Variants in PSG5 observed in about 807,000 individuals in gnomAD.
The protein encoded by PSG5 is pregnancy specific beta-1-glycoprotein 5.
A neutral mutation model predicts 37.7 loss-of-function variants in PSG5; 53 were observed. That is an observed-to-expected ratio of 1.41 (90% CI 1.13 to 1.77). PSG5 has a LOEUF of 1.77. PSG5 is among the 40% of genes most tolerant of loss of function. The pLI, the probability that PSG5 is intolerant of heterozygous loss-of-function variation, is 0.00. For missense variants in PSG5, 547 were observed against 405.2 expected (o/e 1.35, Z -3.00); for synonymous variants, 221 against 155.4 (o/e 1.42, Z -3.14).
chr19:43,180,650 T>C lies in PSG5; in HGVS notation c.430+4132A>G, dbSNP rs770684135. The C allele has an allele frequency of 7.3e-5, 11 of 151,644 alleles. No homozygotes were observed. The Admixed American group carries it at 7.3e-4, about 10-fold the overall frequency. 9.4% of individuals were successfully genotyped at this position (151,644 alleles called of 1,614,324 possible). On this transcript the variant is annotated intron_variant, in intron 2 of 5. Transcript: ENST00000342951. Reference sequence around the variant, plus strand: ...ATTAAAATGTTTTCATAAGTGGAAATTTTTACTGATGATCCAAACATCTAA... The same window carrying C: ...ATTAAAATGTTTTCATAAGTGGAAACTTTTACTGATGATCCAAACATCTAA...
chr19:43,182,632 A>G (rs971220427), intron 2 of PSG5, among the ~76,000 whole-genome samples: 13 of 148,520 alleles, frequency 8.8e-5, no homozygotes, highest in African/African-American at 3.2e-4. Context: ...GAGTAATAAT[A>G]AACCTCTGTC....
intron 4 of PSG5, 25 bp from the exon 5 acceptor site, chr19:43,170,163 A>AG (rs747145621): frequency 1.9e-6 from 3 of 1,556,072 alleles, no homozygotes; most frequent in Non-Finnish European, 2.6e-6. Context: ...AAAGTAAAGA[A>AG]GGAATGAAGG....
chr19:43,170,474 T>C, intron 4 of PSG5: 2 of 450,542 alleles, frequency 4.4e-6, no homozygotes, highest in East Asian at 6.0e-5. Context: ...TTTCTCAGTC[T>C]CTCTGTTGTG....
At chr19:43,168,850 A>G (rs1968843564) in intron 5 of PSG5, among the ~76,000 whole-genome samples, 1 of 151,650 alleles carries the variant, frequency 6.6e-6, no homozygotes, top group Non-Finnish European at 1.5e-5. Flanking sequence ...ATTCATAAAT[A>G]GGGCCAAAAA....
chr19:43,169,824 C>A (rs867511402), intron 5 of PSG5, among the ~76,000 whole-genome samples: 1 of 151,390 alleles, frequency 6.6e-6, no homozygotes, highest in Non-Finnish European at 1.5e-5. Flanking sequence ...TCATTTGAAT[C>A]TGAGAAACAA....
At position 43,174,548 on chromosome 19, in the gene PSG5, C is replaced by T. The variant is rs191849878; in HGVS notation, c.964+667G>A. 5.9e-5 allele frequency: 52 copies of T among 883,118 alleles called. No homozygotes were observed. In the East Asian group the frequency reaches 6.0e-4, roughly 10 times the overall value. 54.7% of individuals were successfully genotyped at this position (883,118 alleles called of 1,614,324 possible). A position where few individuals can be genotyped will look rare whatever the true frequency, so the allele number is the denominator to read the frequency against. On this transcript the variant is annotated intron_variant, in intron 4 of 5. Coordinates refer to ENST00000342951, the MANE Select transcript of PSG5 (RefSeq NM_002781.4). ...CGGTGACTTCAGAGCCAGGACGCAACGCAGGAGTCTTCCCTGAGGCTCCCT... is the reference window on the plus strand; with the variant it reads ...CGGTGACTTCAGAGCCAGGACGCAATGCAGGAGTCTTCCCTGAGGCTCCCT...
intron 4 of PSG5, chr19:43,174,349 G>GATAT (rs35855936): frequency 1.6e-6 from 1 of 644,934 alleles, no homozygotes; most frequent in Non-Finnish European, 1.9e-6. Flanking sequence ...TCTTATATTA[G>GATAT]ATATATATAA....
chr19:43,174,996 A>C (rs1420391477), intron 4 of PSG5: 3 of 1,424,462 alleles, frequency 2.1e-6, no homozygotes, highest in South Asian at 1.5e-5. Flanking sequence ...CCCCTCCCTA[A>C]CTTTCTTAGG....
chr19:43,183,677 A>T (rs1303577341), intron 2 of PSG5, among the ~76,000 whole-genome samples: 2 of 150,696 alleles, frequency 1.3e-5, no homozygotes, highest in Non-Finnish European at 3.0e-5. Flanking sequence ...ATTTGCTCTC[A>T]CTCCTCTGAG....
At chr19:43,170,226 C>G (rs1361283120) in intron 4 of PSG5, 88 bp from the exon 5 acceptor site, 4 of 1,161,748 alleles carry the variant, frequency 3.4e-6, no homozygotes, top group Middle Eastern at 2.1e-4. Flanking sequence ...GCATGAGGTA[C>G]TCTATAATTG....
intron 4 of PSG5, among the ~76,000 whole-genome samples, chr19:43,173,125 C>A (rs1167733560): frequency 6.6e-6 from 1 of 151,594 alleles, no homozygotes; most frequent in Non-Finnish European, 1.5e-5. Flanking sequence ...CAATGGGGAA[C>A]GGACAGTGTT....
rs200145009 is a variant in PSG5 at position 43,185,357 on chromosome 19, A to AC, written c.65-211dup. On this transcript the variant is annotated intron_variant, in intron 1 of 5. Transcript: ENST00000342951. ...CTACTAGGTCAAGGTCAGCAGCGTGACCCCTATTCCTTCAACACTTCTGAC... is the reference window on the plus strand; with the variant it reads ...CTACTAGGTCAAGGTCAGCAGCGTGACCCCCTATTCCTTCAACACTTCTGAC... Among the ~76,000 whole-genome samples, 509 of 149,392 alleles carry AC rather than the reference A, an allele frequency of 3.4e-3. 17 individuals carry two copies. Among genetic ancestry groups the AC allele is most frequent in the African/African-American group, 0.012 (482 of 40,326 alleles).
rs144899689 is a variant in PSG5, at chr19:43,185,979, T to C, written c.64+363A>G. Among the ~76,000 whole-genome samples the C allele has an allele frequency of 6.0e-3, 905 of 151,348 alleles. 19 individuals carry two copies. Among genetic ancestry groups the C allele is most frequent in the East Asian group, 0.053 (275 of 5,162 alleles). ...TCCTTTTTTTTCTTTTTTCTTTTTT[T>C]TCTTTTTATTTTTTTGAGACAGAGT... On this transcript the variant is annotated intron_variant, in intron 1 of 5. Coordinates refer to ENST00000342951, the MANE Select transcript of PSG5 (RefSeq NM_002781.4).
intron 5 of PSG5, among the ~76,000 whole-genome samples, chr19:43,168,662 G>A (rs1272166245): frequency 2.0e-5 from 3 of 151,706 alleles, no homozygotes; most frequent in Admixed American, 6.6e-5. Flanking sequence ...GTGAGCCATC[G>A]CGCCCAGCGT....
At chr19:43,181,263 A>T (rs1171648593) in intron 2 of PSG5, among the ~76,000 whole-genome samples, 1 of 151,666 alleles carries the variant, frequency 6.6e-6, no homozygotes, top group African/African-American at 2.4e-5. Flanking sequence ...CAACTACAAA[A>T]TTTAAAAATT....
At position 43,178,736 on chromosome 19, in the gene PSG5, C is replaced by T. The variant is rs1449851394; in HGVS notation, c.431-2588G>A. The T allele has an allele frequency of 7.6e-6, 12 of 1,574,834 alleles. 2 individuals carry two copies. In the African/African-American group the frequency reaches 9.6e-5, roughly 13 times the overall value. ...CAAGCCTAGGCCTACTCTGTTTTGC[C>T]TGGGGCAGAAAGTCATGGCCAGCTT... On this transcript the variant is annotated intron_variant, in intron 2 of 5. Transcript: ENST00000342951.
chr19:43,169,767 G>T (rs1434656064), intron 5 of PSG5, among the ~76,000 whole-genome samples: 4 of 151,636 alleles, frequency 2.6e-5, no homozygotes, highest in Admixed American at 2.0e-4. Flanking sequence ...ACTATTGAGA[G>T]ATGTTAAAAA....
chr19:43,176,219 G>C lies in PSG5; in HGVS notation c.431-71C>G, dbSNP rs1230915401. The stretch of plus-strand genomic sequence containing the variant: ...TTCCTCCACAGGCATCCTTCAATCA[G>C]AGTTGGCATCTCCCACCTGTCAACC... On this transcript the variant is annotated intron_variant, in intron 2 of 5. Transcript: ENST00000342951. 5.1e-6 allele frequency: 8 copies of C among 1,575,964 alleles called. No homozygotes were observed. The African/African-American group carries it at 5.4e-5, about 11-fold the overall frequency.
intron 4 of PSG5, chr19:43,170,547 G>A (rs541782861): frequency 8.7e-5 from 36 of 414,026 alleles, no homozygotes; most frequent in Admixed American, 5.2e-4. Context: ...GAAGGCCCAC[G>A]TCCGTGCATT....
Sources: allele counts gnomAD v4.1 joint callset (sites outside exome capture counted in the v4.1 genomes callset), GRCh38; gene constraint gnomAD v4.1.1; transcripts MANE v1.5; gene names NCBI Gene and HGNC (gene_info 2026-07-23, HGNC 2026-07-21).